SORCS1: variants seen among roughly 807,000 people sequenced by gnomAD.
SORCS1 encodes the protein VPS10 domain-containing receptor SorCS1.
A neutral mutation model predicts 146.1 loss-of-function variants in SORCS1; 60 were observed. The observed-to-expected ratio is 0.41, with a 90% confidence interval of 0.33 to 0.51. The LOEUF is 0.51. Ranked by LOEUF, SORCS1 falls within the 20% of genes least tolerant of loss-of-function variation. The pLI is 0.21. For missense variants in SORCS1, 1,352 were observed against 1,487.6 expected (o/e 0.91, Z 1.50); for synonymous variants, 637 against 584.0 (o/e 1.09, Z -1.31).
Position 106,964,643 on chromosome 10 carries a change from C to A in SORCS1, c.559-8063G>T, listed in dbSNP as rs184577597. On this transcript the variant is annotated intron_variant, in intron 1 of 25. Transcript: ENST00000263054. ...CTGGGACTACAGGTGCGTGCCACCA[C>A]ACCTGGCAAATTTTTTATATTTTTA... is the stretch of plus-strand genomic sequence containing the variant. 4.8e-4 allele frequency among the ~76,000 whole-genome samples: 73 copies of A among 152,204 alleles called. 2 individuals carry two copies. The highest frequency in any genetic ancestry group is 7.4e-5 in the Non-Finnish European group (5 of 68,014).
intron 2 of SORCS1, among the ~76,000 whole-genome samples, chr10:106,901,574 A>C (rs1227497669): frequency 6.6e-6 from 1 of 152,084 alleles, no homozygotes; most frequent in African/African-American, 2.4e-5. Flanking sequence ...CCTGAGACTA[A>C]AGGCATGTGC....
chr10:106,640,440 A>C (rs961498598), intron 18 of SORCS1, among the ~76,000 whole-genome samples: 6 of 152,258 alleles, frequency 3.9e-5, no homozygotes, highest in African/African-American at 1.2e-4. Flanking sequence ...TACAGATCAA[A>C]GTTTTAATTT....
chr10:106,694,552 T>G (rs989075344), intron 9 of SORCS1, among the ~76,000 whole-genome samples: 1 of 152,216 alleles, frequency 6.6e-6, no homozygotes, highest in Non-Finnish European at 1.5e-5. Context: ...TGGCCAATAG[T>G]ACATTCAATA....
intron 2 of SORCS1, among the ~76,000 whole-genome samples, chr10:106,875,476 C>G (rs1950560363): frequency 1.3e-5 from 2 of 152,082 alleles, no homozygotes; most frequent in Non-Finnish European, 2.9e-5. Context: ...TGGGTAGATA[C>G]TCAGTAGTGG....
chr10:107,149,609 C>T (rs12764599), intron 1 of SORCS1, among the ~76,000 whole-genome samples: 14,956 of 152,154 alleles, frequency 0.098, 807 homozygotes, highest in African/African-American at 0.15. Flanking sequence ...GTTTTGTGTA[C>T]GTGCACGTGC....
intron 2 of SORCS1, among the ~76,000 whole-genome samples, chr10:106,934,922 C>T (rs1222338988): frequency 2.0e-5 from 3 of 151,670 alleles, no homozygotes; most frequent in Non-Finnish European, 4.4e-5. Flanking sequence ...AAAGGGAGGG[C>T]GGAAGGGGAA....
intron 1 of SORCS1, among the ~76,000 whole-genome samples, chr10:107,085,820 T>C (rs1169149141): frequency 6.6e-6 from 1 of 152,190 alleles, no homozygotes. Context: ...GAGTAGACAA[T>C]GAGCATTTTG....
chr10:106,724,611 G>C (rs1040871), intron 6 of SORCS1, among the ~76,000 whole-genome samples: 122,012 of 152,088 alleles, frequency 0.8, 51,435 homozygotes, highest in Non-Finnish European at 0.94. Context: ...CACCTCCCCT[G>C]AAATATGGGA....
intron 1 of SORCS1, among the ~76,000 whole-genome samples, chr10:106,986,699 G>C (rs1956493026): frequency 1.3e-5 from 2 of 151,908 alleles, no homozygotes; most frequent in African/African-American, 4.8e-5. Context: ...CCTCAGATTG[G>C]ATAATTTCTA....
intron 1 of SORCS1, among the ~76,000 whole-genome samples, chr10:107,054,377 G>A (rs1001916190): frequency 6.6e-6 from 1 of 152,058 alleles, no homozygotes; most frequent in African/African-American, 2.4e-5. Context: ...ACTTTTGTTG[G>A]GGGGTTTCCT....
chr10:107,105,719 C>T (rs1321688471), intron 1 of SORCS1, among the ~76,000 whole-genome samples: 7 of 149,484 alleles, frequency 4.7e-5, no homozygotes, highest in African/African-American at 7.4e-5. Context: ...TAGATGATGC[C>T]CACCCAGATT....
chr10:107,172,064 G>C, the SORCS1 span, among the ~76,000 whole-genome samples: 4 of 152,172 alleles, frequency 2.6e-5, no homozygotes, highest in Non-Finnish European at 5.9e-5. Flanking sequence ...TCCTATCTAA[G>C]AAGTCAATCA....
intron 3 of SORCS1, among the ~76,000 whole-genome samples, chr10:106,805,438 G>A (rs1181886069): frequency 6.6e-6 from 1 of 152,176 alleles, no homozygotes; most frequent in Non-Finnish European, 1.5e-5. Flanking sequence ...AGTAAAGAGA[G>A]CAGACTGCAG....
intron 2 of SORCS1, among the ~76,000 whole-genome samples, chr10:106,926,292 T>C (rs766080724): frequency 6.6e-6 from 1 of 152,254 alleles, no homozygotes; most frequent in Non-Finnish European, 1.5e-5. Context: ...TAAGAATATG[T>C]GCTTTTTAAA....
At chr10:107,072,400 G>A (rs7898742) in intron 1 of SORCS1, among the ~76,000 whole-genome samples, 72,258 of 151,914 alleles carry the variant, frequency 0.48, 18,101 homozygotes, top group African/African-American at 0.61. Flanking sequence ...GTTTTCATCT[G>A]CATAATAGAT....
At chr10:106,944,167 T>C (rs1211161455) in intron 2 of SORCS1, among the ~76,000 whole-genome samples, 1 of 152,218 alleles carries the variant, frequency 6.6e-6, no homozygotes, top group East Asian at 1.9e-4. Context: ...ATCCATAACA[T>C]GACACCAAGG....
intron 10 of SORCS1, among the ~76,000 whole-genome samples, chr10:106,684,174 C>G (rs1852645616): frequency 6.6e-6 from 1 of 152,042 alleles, no homozygotes; most frequent in South Asian, 2.1e-4. Flanking sequence ...CCTGTCTCTA[C>G]TAAAAATACA....
chr10:106,904,598 C>G (rs1357643620), intron 2 of SORCS1, among the ~76,000 whole-genome samples: 1 of 152,200 alleles, frequency 6.6e-6, no homozygotes, highest in Non-Finnish European at 1.5e-5. Flanking sequence ...CCATCCCATA[C>G]TTTGGACAAA....
intron 2 of SORCS1, among the ~76,000 whole-genome samples, chr10:106,906,183 C>A (rs1564795925): frequency 6.6e-6 from 1 of 152,326 alleles, no homozygotes; most frequent in East Asian, 1.9e-4. Flanking sequence ...GGCATGCTCT[C>A]GGCTCACTGC....
Sources: allele counts gnomAD v4.1 joint callset (sites outside exome capture counted in the v4.1 genomes callset), GRCh38; gene constraint gnomAD v4.1.1; transcripts MANE v1.5; gene names NCBI Gene and HGNC (gene_info 2026-07-23, HGNC 2026-07-21).